Variants in DPYD observed in about 807,000 individuals in gnomAD.
DPYD encodes dihydropyrimidine dehydrogenase.
A neutral mutation model predicts 116.2 loss-of-function variants in DPYD; 109 were observed. That is an observed-to-expected ratio of 0.94 (90% CI 0.80 to 1.10). The LOEUF (loss-of-function observed/expected upper bound fraction) is 1.10, where lower values mean the gene tolerates loss of function less well. DPYD is among the 50% of genes least tolerant of loss of function. DPYD has a pLI of 0.00. For synonymous variants in DPYD, 440 were observed against 432.0 expected, an observed-to-expected ratio of 1.02 and a Z score of -0.23; for missense variants, 1,302 against 1,254.5, an observed-to-expected ratio of 1.04 and a Z score of -0.57.
rs992476586 is a variant in DPYD, at chr1:97,659,108, G to A, written c.850+19987C>T. Among the ~76,000 whole-genome samples, 8 of 152,142 alleles carry A rather than the reference G, an allele frequency of 5.3e-5. No individual in the cohort carries two copies. The South Asian group carries it at 6.2e-4, about 12-fold the overall frequency. ...GGAATGTTGGACCTACCCATTGTGC[G>A]CCCACAACTCTCTGGGAATCTCTCT... is the stretch of plus-strand genomic sequence containing the variant. On this transcript the variant is annotated intron_variant, in intron 8 of 22. Transcript: ENST00000370192.
chr1:97,852,072 G>T (rs1485136825), intron 2 of DPYD, among the ~76,000 whole-genome samples: 1 of 150,134 alleles, frequency 6.7e-6, no homozygotes, highest in Non-Finnish European at 1.5e-5. Context: ...GCTACCTGAT[G>T]CCTGAAGGAA....
At chr1:97,692,011 A>AT (rs2100950968) in intron 6 of DPYD, among the ~76,000 whole-genome samples, 1 of 152,344 alleles carries the variant, frequency 6.6e-6, no homozygotes, top group East Asian at 1.9e-4. Context: ...AGAAACTGAT[A>AT]TAAAAATAAC....
chr1:97,670,121 T>C (rs1659777254), intron 8 of DPYD, among the ~76,000 whole-genome samples: 1 of 152,186 alleles, frequency 6.6e-6, no homozygotes, highest in Non-Finnish European at 1.5e-5. Context: ...TTGTGTACTG[T>C]GATGTTCCAA....
intron 7 of DPYD, among the ~76,000 whole-genome samples, chr1:97,689,122 T>C (rs1660882495): frequency 6.6e-6 from 1 of 150,860 alleles, no homozygotes; most frequent in Admixed American, 6.7e-5. Flanking sequence ...ATATGAATAA[T>C]GTACAAATAA....
intron 2 of DPYD, among the ~76,000 whole-genome samples, chr1:97,874,555 GAATCCTT>G (rs1671812754): frequency 6.6e-6 from 1 of 151,826 alleles, no homozygotes; most frequent in South Asian, 2.1e-4. Context: ...ATATATTTGA[GAATCCTT>G]AAAAATGATG....
At chr1:97,569,025 A>C (rs1256501678) in intron 11 of DPYD, among the ~76,000 whole-genome samples, 1 of 152,132 alleles carries the variant, frequency 6.6e-6, no homozygotes, top group Non-Finnish European at 1.5e-5. Flanking sequence ...AGAATCACAG[A>C]ATGAGCTAAA....
chr1:97,140,060 C>T (rs905378699), intron 20 of DPYD, among the ~76,000 whole-genome samples: 5 of 151,248 alleles, frequency 3.3e-5, no homozygotes, highest in East Asian at 1.9e-4. Flanking sequence ...CTATTTGCTA[C>T]TTGGAAAAAA....
chr1:97,338,094 A>G (rs1005098486), intron 16 of DPYD, among the ~76,000 whole-genome samples: 46 of 152,282 alleles, frequency 3.0e-4, no homozygotes, highest in Non-Finnish European at 5.1e-4. Context: ...AGTTTTATAC[A>G]TGAAGTATCA....
intron 20 of DPYD, among the ~76,000 whole-genome samples, chr1:97,108,096 G>A (rs1651303566): frequency 6.6e-6 from 1 of 152,120 alleles, no homozygotes; most frequent in Non-Finnish European, 1.5e-5. Context: ...TAGAGCTGCT[G>A]AGAAAACGAT....
chr1:97,528,048 A>G (rs1649285040), intron 12 of DPYD, among the ~76,000 whole-genome samples: 1 of 152,200 alleles, frequency 6.6e-6, no homozygotes, highest in Admixed American at 6.5e-5. Context: ...ATAACATTGC[A>G]TAGCTGCTTG....
intron 20 of DPYD, among the ~76,000 whole-genome samples, chr1:97,118,473 C>T (rs1652157933): frequency 6.6e-6 from 1 of 151,992 alleles, no homozygotes; most frequent in Admixed American, 6.6e-5. Context: ...CAAGAGATAA[C>T]TATAAAGTAG....
At chr1:97,671,703 G>A (rs1176735785) in intron 8 of DPYD, among the ~76,000 whole-genome samples, 1 of 151,726 alleles carries the variant, frequency 6.6e-6, no homozygotes, top group Admixed American at 6.6e-5. Flanking sequence ...GAAATGTGCT[G>A]AAATTATGCA....
chr1:97,371,559 T>A (rs771472586), intron 16 of DPYD, among the ~76,000 whole-genome samples: 9 of 152,136 alleles, frequency 5.9e-5, no homozygotes, highest in Admixed American at 2.0e-4. Flanking sequence ...AAAAGGCAAA[T>A]AAGCCCAAGT....
intron 21 of DPYD, among the ~76,000 whole-genome samples, chr1:97,088,364 T>G (rs1420398914): frequency 6.6e-6 from 1 of 152,206 alleles, no homozygotes; most frequent in East Asian, 1.9e-4. Context: ...ACAGACTTTT[T>G]TAGCCAGAAA....
chr1:97,530,840 G>A (rs1040976669), intron 12 of DPYD, among the ~76,000 whole-genome samples: 1 of 151,900 alleles, frequency 6.6e-6, no homozygotes, highest in Non-Finnish European at 1.5e-5. Flanking sequence ...ATCTCAATGT[G>A]GTTTTGATTT....
At chr1:97,802,271 G>A (rs889084457) in intron 3 of DPYD, among the ~76,000 whole-genome samples, 1 of 151,884 alleles carries the variant, frequency 6.6e-6, no homozygotes, top group African/African-American at 2.4e-5. Context: ...ATGAACATAT[G>A]AACATAAGCC....
chr1:97,142,748 C>A (rs889578134), intron 20 of DPYD, among the ~76,000 whole-genome samples: 5 of 152,040 alleles, frequency 3.3e-5, no homozygotes, highest in African/African-American at 1.2e-4. Flanking sequence ...AATGCCAGCT[C>A]TTTATGCCCT....
At chr1:97,134,367 A>G (rs1653622474) in intron 20 of DPYD, among the ~76,000 whole-genome samples, 2 of 152,100 alleles carry the variant, frequency 1.3e-5, no homozygotes, top group South Asian at 4.1e-4. Context: ...CTCACATCGT[A>G]TGTATGAGCA....
intron 16 of DPYD, among the ~76,000 whole-genome samples, chr1:97,346,019 T>G (rs1294035626): frequency 6.6e-6 from 1 of 151,860 alleles, no homozygotes; most frequent in East Asian, 1.9e-4. Context: ...TAAGTTTTTA[T>G]TTCTCATTCC....
Sources: allele counts gnomAD v4.1 joint callset (sites outside exome capture counted in the v4.1 genomes callset), GRCh38; gene constraint gnomAD v4.1.1; transcripts MANE v1.5; gene names NCBI Gene and HGNC (gene_info 2026-07-23, HGNC 2026-07-21).